ENO4: variants seen among roughly 807,000 people sequenced by gnomAD.
The protein encoded by ENO4 is 2-phospho-D-glycerate hydro-lyase.
ENO4 carries 53 observed loss-of-function variants against 63.2 expected under a neutral mutation model. The observed-to-expected ratio is 0.84, with a 90% CI of 0.67 to 1.05. The LOEUF (loss-of-function observed/expected upper bound fraction) is 1.05, where lower values mean the gene tolerates loss of function less well. ENO4 is among the 50% of genes least tolerant of loss of function. The pLI, the probability that ENO4 is intolerant of heterozygous loss-of-function variation, is 0.00. For missense variants in ENO4, 719 were observed against 772.0 expected, an observed-to-expected ratio of 0.93 and a Z score of 0.81; for synonymous variants, 266 against 283.8, an observed-to-expected ratio of 0.94 and a Z score of 0.63.
intron 10 of ENO4, among the ~76,000 whole-genome samples, chr10:116,896,703 G>A (rs1294818368): frequency 1.3e-5 from 2 of 152,016 alleles, no homozygotes; most frequent in South Asian, 2.1e-4. Flanking sequence ...CCAGCAGAGC[G>A]GCTCCGAAGC....
intron 10 of ENO4, among the ~76,000 whole-genome samples, chr10:116,874,586 T>C (rs1223769346): frequency 6.6e-6 from 1 of 152,224 alleles, no homozygotes; most frequent in African/African-American, 2.4e-5. Flanking sequence ...TATACCATTT[T>C]CATGTGCTCA....
chr10:116,875,342 T>C (rs1846799041), intron 10 of ENO4, among the ~76,000 whole-genome samples: 1 of 151,902 alleles, frequency 6.6e-6, no homozygotes, highest in Admixed American at 6.6e-5. Context: ...ATGACTGTCC[T>C]GAGGCTCTGG....
In ENO4 at chr10:116,864,176, T is replaced by C. The variant is rs191001527; in HGVS notation, c.990+1324T>C. ...TCTACAATTCATCCTTCTAAATTTCTTTTAAAAGTTTTTCAGCTGGGTGCG... is the reference window on the plus strand; with the variant it reads ...TCTACAATTCATCCTTCTAAATTTCCTTTAAAAGTTTTTCAGCTGGGTGCG... On this transcript the variant is annotated intron_variant, in intron 7 of 13. Coordinates refer to ENST00000341276, the MANE Select transcript of ENO4 (RefSeq NM_001242699.2). 3.0e-3 allele frequency among the ~76,000 whole-genome samples: 458 copies of C among 152,304 alleles called. 1 individual carries two copies. Among genetic ancestry groups the C allele is most frequent in the Non-Finnish European group, 5.4e-3 (366 of 68,024 alleles).
chr10:116,902,626 T>C (rs1421159502), intron 10 of ENO4, among the ~76,000 whole-genome samples: 2 of 152,232 alleles, frequency 1.3e-5, no homozygotes, highest in East Asian at 3.8e-4. Context: ...TTCTGGGCAT[T>C]GAAGCCAGTC....
intron 3 of ENO4, among the ~76,000 whole-genome samples, chr10:116,858,568 CTAAG>C (rs767828790): frequency 2.0e-5 from 3 of 151,944 alleles, no homozygotes; most frequent in African/African-American, 2.4e-5. Context: ...AATATTAACC[CTAAG>C]TGTCAAGAAA....
At chr10:116,894,150 T>C (rs1847434176) in intron 10 of ENO4, among the ~76,000 whole-genome samples, 1 of 152,180 alleles carries the variant, frequency 6.6e-6, no homozygotes, top group African/African-American at 2.4e-5. Context: ...AAATTTATCT[T>C]TTGTCAACTA....
intron 7 of ENO4, among the ~76,000 whole-genome samples, chr10:116,867,522 G>A (rs1846578745): frequency 6.6e-6 from 1 of 151,968 alleles, no homozygotes; most frequent in Non-Finnish European, 1.5e-5. Flanking sequence ...TCAGGCGTTC[G>A]AGGCTGTAAT....
Position 116,871,316 on chromosome 10 carries a change from C to A in ENO4, c.1215+24C>A, listed in dbSNP as rs534551504. Reference sequence around the variant, plus strand: ...ACGTAAGTTTCCACTTCAGAACATTCACTTCCTATTGAGATCCATGATTTT... The same window carrying A: ...ACGTAAGTTTCCACTTCAGAACATTAACTTCCTATTGAGATCCATGATTTT... On this transcript the variant is annotated intron_variant, in intron 9 of 13. Coordinates refer to ENST00000341276, the MANE Select transcript of ENO4 (RefSeq NM_001242699.2). 3.3e-6 allele frequency: 5 copies of A among 1,536,884 alleles called. No individual in the cohort carries two copies. In the Admixed American group the frequency reaches 9.9e-5, roughly 30 times the overall value.
intron 1 of ENO4, 140 bp from the exon 2 acceptor site, chr10:116,855,483 G>A: frequency 2.9e-6 from 3 of 1,037,190 alleles, no homozygotes; most frequent in Non-Finnish European, 4.2e-6. Flanking sequence ...GCATCAGGAA[G>A]AATACTCGCG....
rs2133287203 is a variant in ENO4, at chr10:116,881,793, T to G, written c.*124T>G. The G allele has an allele frequency of 1.4e-6, 1 of 708,406 alleles. No individual in the cohort carries two copies. The highest frequency in any genetic ancestry group is 3.3e-5 in the East Asian group (1 of 30,006). The allele number at this position is 708,406 out of a possible 1,614,324, so 43.9% of individuals were successfully genotyped here. A position where few individuals can be genotyped will look rare whatever the true frequency, so the allele number is the denominator to read the frequency against. On this transcript the variant is annotated 3_prime_UTR_variant, in exon 14 of 14. Transcript: ENST00000341276. ...CTTCACCAACTCTTGTGGTTTTTAT[T>G]CTTCTAATTCCACTGTTTGGTAAAT... is the stretch of plus-strand genomic sequence containing the variant.
downstream of ENO4, chr10:116,885,690 A>G (rs2133293008): frequency 6.6e-6 from 1 of 152,488 alleles, no homozygotes; most frequent in East Asian, 1.9e-4. Flanking sequence ...AGGCTACCAG[A>G]GCATCCCCAC....
intron 11 of ENO4, among the ~76,000 whole-genome samples, chr10:116,876,893 G>T (rs1437553917): frequency 6.6e-6 from 1 of 152,150 alleles, no homozygotes; most frequent in African/African-American, 2.4e-5. Context: ...GGAGCTTGCA[G>T]TGAGCCGAGA....
At chr10:116,862,300 C>T (rs1210841378) in intron 6 of ENO4, among the ~76,000 whole-genome samples, 2 of 151,884 alleles carry the variant, frequency 1.3e-5, no homozygotes, top group African/African-American at 4.8e-5. Context: ...CCCGTCTCTA[C>T]TAAAAATACA....
intron 10 of ENO4, among the ~76,000 whole-genome samples, chr10:116,904,975 G>A (rs1389416758): frequency 6.6e-6 from 1 of 151,988 alleles, no homozygotes; most frequent in Non-Finnish European, 1.5e-5. Context: ...GCCGAGGCGG[G>A]TGGATCATGA....
intron 12 of ENO4, 65 bp from the exon 13 acceptor site, chr10:116,879,801 AAAG>A (rs1846949125): frequency 1.7e-6 from 2 of 1,207,198 alleles, no homozygotes; most frequent in Non-Finnish European, 2.3e-6. Flanking sequence ...CTTTGTCTTT[AAAG>A]AATTGTTTGT....
intron 10 of ENO4, among the ~76,000 whole-genome samples, chr10:116,910,900 T>G (rs78794416): frequency 9.7e-4 from 148 of 152,334 alleles, no homozygotes; most frequent in Middle Eastern, 3.4e-3. Context: ...GCAAACTAAT[T>G]AAGCCATTCT....
At chr10:116,851,620 G>C (rs531437744) in intron 1 of ENO4, among the ~76,000 whole-genome samples, 1 of 152,308 alleles carries the variant, frequency 6.6e-6, no homozygotes, top group East Asian at 1.9e-4. Flanking sequence ...TGCCAGAGCA[G>C]TGTCCTAACA....
rs1318886521 is a variant in ENO4, at chr10:116,881,737, G to A, written c.*68G>A. ...TAGACCGGGAGGTCTGAAGTACGGC[G>A]CCGTGTCTCCACATGGAGTTTCCTC... On this transcript the variant is annotated 3_prime_UTR_variant, in exon 14 of 14. Coordinates refer to ENST00000341276, the MANE Select transcript of ENO4 (RefSeq NM_001242699.2). 20 of 1,222,138 alleles carry A rather than the reference G, an allele frequency of 1.6e-5. No homozygotes were observed. The highest frequency in any genetic ancestry group is 1.1e-4 in the South Asian group (4 of 36,818). 75.7% of individuals were successfully genotyped at this position (1,222,138 alleles called of 1,614,324 possible).
downstream of ENO4, chr10:116,884,004 C>T (rs893119396): frequency 8.7e-6 from 2 of 230,302 alleles, no homozygotes; most frequent in Admixed American, 5.1e-5. Flanking sequence ...CTATAAAATG[C>T]ATCAACATTC....
Sources: allele counts gnomAD v4.1 joint callset (sites outside exome capture counted in the v4.1 genomes callset), GRCh38; gene constraint gnomAD v4.1.1; transcripts MANE v1.5; gene names NCBI Gene and HGNC (gene_info 2026-07-23, HGNC 2026-07-21).